THADA: variants seen among roughly 807,000 people sequenced by gnomAD.
The protein encoded by THADA is THADA armadillo repeat containing, also known as tRNA (32-2'-O)-methyltransferase regulator THADA.
In THADA, 213 loss-of-function variants were observed where a neutral mutation model predicts 219.8. The ratio of observed to expected loss-of-function variants is 0.97; its 90% CI spans 0.87 to 1.09. The LOEUF is 1.09. Ranked by LOEUF, THADA falls within the 50% of genes least tolerant of loss-of-function variation. The pLI, the probability that THADA is intolerant of heterozygous loss-of-function variation, is 0.00. For missense variants in THADA, 2,956 were observed against 2,311.3 expected, an observed-to-expected ratio of 1.28 and a Z score of -5.72; for synonymous variants, 1,018 against 828.9, an observed-to-expected ratio of 1.23 and a Z score of -3.92.
chr2:43,396,286 GTC>G (rs1490411816), intron 29 of THADA, among the ~76,000 whole-genome samples: 2 of 152,102 alleles, frequency 1.3e-5, no homozygotes, highest in African/African-American at 4.8e-5. Context: ...AACTTCTTCA[GTC>G]TCTGCTTAGA....
intron 29 of THADA, among the ~76,000 whole-genome samples, chr2:43,397,198 T>C (rs1055527891): frequency 6.6e-6 from 1 of 152,102 alleles, no homozygotes; most frequent in Admixed American, 6.5e-5. Flanking sequence ...CTCAGGCTTA[T>C]AACATGTATT....
At chr2:43,343,955 A>C (rs965218492) in intron 30 of THADA, 167 bp downstream of exon 30, 6 of 525,530 alleles carry the variant, frequency 1.1e-5, no homozygotes, top group Non-Finnish European at 2.0e-5. Flanking sequence ...TCAAGAAAAT[A>C]TTTTTCTTTC....
intron 21 of THADA, among the ~76,000 whole-genome samples, chr2:43,528,429 C>A (rs1244802898): frequency 6.6e-6 from 1 of 152,090 alleles, no homozygotes; most frequent in East Asian, 1.9e-4. Flanking sequence ...TGTGCCCAGC[C>A]ATTTTAAGTA....
chr2:43,322,138 A>T (rs948649297), intron 30 of THADA, among the ~76,000 whole-genome samples: 10 of 151,644 alleles, frequency 6.6e-5, no homozygotes, highest in African/African-American at 2.4e-4. Context: ...TGAATTCGTG[A>T]TTATCCTGCC....
intron 28 of THADA, among the ~76,000 whole-genome samples, chr2:43,399,666 G>A (rs994381801): frequency 1.3e-5 from 2 of 152,094 alleles, no homozygotes; most frequent in Admixed American, 1.3e-4. Context: ...CACATTATCT[G>A]TGGGAAAGCA....
At chr2:43,318,771 G>C (rs1256081762) in intron 31 of THADA, among the ~76,000 whole-genome samples, 2 of 152,074 alleles carry the variant, frequency 1.3e-5, no homozygotes, top group Non-Finnish European at 1.5e-5. Context: ...GTTTAATTAG[G>C]GTATAAACTC....
chr2:43,491,632 T>C (rs184069928), intron 25 of THADA, among the ~76,000 whole-genome samples: 1 of 152,340 alleles, frequency 6.6e-6, no homozygotes, highest in Non-Finnish European at 1.5e-5. Context: ...CTCAGTATGA[T>C]AGCATGCTGT....
chr2:43,247,907 G>A (rs1418157901), intron 36 of THADA, among the ~76,000 whole-genome samples: 1 of 151,048 alleles, frequency 6.6e-6, no homozygotes, highest in Non-Finnish European at 1.5e-5. Flanking sequence ...GCTGAATGTG[G>A]TGGTACATGC....
intron 31 of THADA, among the ~76,000 whole-genome samples, chr2:43,314,143 G>A (rs1261244715): frequency 6.6e-6 from 1 of 152,058 alleles, no homozygotes; most frequent in Non-Finnish European, 1.5e-5. Context: ...ATATTTCAGG[G>A]GTAGGAAAAC....
chr2:43,231,296 G>A lies in THADA; in HGVS notation c.5514C>T (p.Ala1838=), dbSNP rs1016873707. The A allele has an allele frequency of 3.8e-6, 6 of 1,580,456 alleles. No individual in the cohort carries two copies. In the African/African-American group the frequency reaches 4.1e-5, roughly 11 times the overall value. Residue 1838 remains alanine, a synonymous_variant, in exon 38 of 38, where the codon GCC becomes GCT. Transcript: ENST00000405975. ...LFEKAEVNFW[A]ETLIFVKYLC... ...GGTATTTCACAAAGATCAGGGTCTC[G>A]GCCCAAAAGTTGACTTCTGCTTTTT...
At chr2:43,517,807 A>C (rs768673216) in intron 22 of THADA, among the ~76,000 whole-genome samples, 2 of 152,198 alleles carry the variant, frequency 1.3e-5, no homozygotes, top group Non-Finnish European at 2.9e-5. Flanking sequence ...CTCAGAAAAC[A>C]CAAAGATTTC....
intron 36 of THADA, among the ~76,000 whole-genome samples, chr2:43,270,437 T>C (rs1193764973): frequency 2.0e-5 from 3 of 152,180 alleles, no homozygotes; most frequent in Non-Finnish European, 4.4e-5. Flanking sequence ...CCAACCCATT[T>C]TCTTACACTC....
chr2:43,454,689 A>T (rs759001278), intron 26 of THADA, among the ~76,000 whole-genome samples: 3 of 152,168 alleles, frequency 2.0e-5, no homozygotes, highest in Non-Finnish European at 4.4e-5. Context: ...CTTTTAAAAA[A>T]TACTTAGGTG....
At chr2:43,498,474 C>T (rs558891769) in intron 25 of THADA, among the ~76,000 whole-genome samples, 9 of 152,000 alleles carry the variant, frequency 5.9e-5, no homozygotes, top group Non-Finnish European at 8.8e-5. Flanking sequence ...GTAACAATAA[C>T]AGCACATAGA....
chr2:43,364,032 G>T (rs1669826254), intron 29 of THADA, among the ~76,000 whole-genome samples: 1 of 151,998 alleles, frequency 6.6e-6, no homozygotes, highest in African/African-American at 2.4e-5. Context: ...GACCAGCCTG[G>T]GCAACATGGT....
At chr2:43,349,899 A>C (rs558492195) in intron 29 of THADA, among the ~76,000 whole-genome samples, 7 of 152,314 alleles carry the variant, frequency 4.6e-5, no homozygotes, top group Non-Finnish European at 8.8e-5. Context: ...AGCCAAGTAT[A>C]AAATTTCTGT....
intron 28 of THADA, among the ~76,000 whole-genome samples, chr2:43,403,520 T>C (rs1489551029): frequency 1.3e-5 from 2 of 152,132 alleles, no homozygotes; most frequent in African/African-American, 2.4e-5. Flanking sequence ...AGTCCCTGCA[T>C]GTCACAGGAA....
chr2:43,466,268 T>C (rs767412623), intron 26 of THADA, among the ~76,000 whole-genome samples: 4 of 152,226 alleles, frequency 2.6e-5, no homozygotes, highest in Non-Finnish European at 5.9e-5. Flanking sequence ...CATATTAATG[T>C]CTTCAAGAAA....
chr2:43,539,650 T>C (rs1169090054), intron 21 of THADA, among the ~76,000 whole-genome samples: 3 of 152,096 alleles, frequency 2.0e-5, no homozygotes, highest in African/African-American at 7.2e-5. Context: ...GTATGTGAGG[T>C]TACCATGTGA....
Sources: gnomAD v4.1 joint callset for allele counts (sites outside exome capture counted in the v4.1 genomes callset) on GRCh38, gnomAD v4.1.1 for gene constraint, MANE v1.5 for transcripts, NCBI Gene and HGNC (gene_info 2026-07-23, HGNC 2026-07-21) for gene names.